Variants in PDE3B observed in about 807,000 individuals in gnomAD.
The protein encoded by PDE3B is phosphodiesterase 3B.
PDE3B carries 66 observed loss-of-function variants against 116.8 expected under a neutral mutation model. That is an observed-to-expected ratio of 0.56 (90% CI 0.46 to 0.69). PDE3B has a LOEUF of 0.69. Among genes scored for constraint, PDE3B ranks in the 30% least tolerant of loss-of-function variants. The pLI, the probability that PDE3B is intolerant of heterozygous loss-of-function variation, is 0.00. For synonymous variants in PDE3B, 595 were observed against 533.6 expected, an observed-to-expected ratio of 1.12 and a Z score of -1.59; for missense variants, 1,384 against 1,368.1, an observed-to-expected ratio of 1.01 and a Z score of -0.18.
chr11:14,824,964 G>A (rs556311034), intron 7 of PDE3B, among the ~76,000 whole-genome samples: 2 of 151,846 alleles, frequency 1.3e-5, no homozygotes, highest in African/African-American at 2.4e-5. Context: ...GAAGAGCCTG[G>A]GCTCCTATAT....
At chr11:14,757,073 A>C (rs1008363566) in intron 1 of PDE3B, among the ~76,000 whole-genome samples, 2 of 151,566 alleles carry the variant, frequency 1.3e-5, no homozygotes, top group Non-Finnish European at 2.9e-5. Context: ...TGCTCTTGCA[A>C]TAGTTTACTG....
At chr11:14,726,445 AGAG>A (rs764068014) in intron 1 of PDE3B, among the ~76,000 whole-genome samples, 2 of 152,194 alleles carry the variant, frequency 1.3e-5, no homozygotes, top group African/African-American at 2.4e-5. Context: ...TCTGGAGCTC[AGAG>A]GAGATTTCAG....
intron 1 of PDE3B, among the ~76,000 whole-genome samples, chr11:14,726,808 A>G (rs1856318338): frequency 6.6e-6 from 1 of 152,216 alleles, no homozygotes; most frequent in Non-Finnish European, 1.5e-5. Flanking sequence ...TGGTTGGGGT[A>G]GAAATCAGAC....
chr11:14,856,448 C>A (rs1847852299), intron 12 of PDE3B, among the ~76,000 whole-genome samples: 1 of 152,134 alleles, frequency 6.6e-6, no homozygotes, highest in Admixed American at 6.5e-5. Flanking sequence ...AAACTAGCTG[C>A]TTTGTGTTCT....
At chr11:14,678,175 C>G (rs1590055463) in intron 1 of PDE3B, among the ~76,000 whole-genome samples, 1 of 152,208 alleles carries the variant, frequency 6.6e-6, no homozygotes, top group East Asian at 1.9e-4. Context: ...ATTCACTTGT[C>G]TTAGCCTCCC....
intron 1 of PDE3B, among the ~76,000 whole-genome samples, chr11:14,735,833 G>A (rs1856580053): frequency 6.6e-6 from 1 of 152,134 alleles, no homozygotes; most frequent in African/African-American, 2.4e-5. Flanking sequence ...TATTAAAACT[G>A]ATCAAAATCC....
chr11:14,811,427 C>G (rs943163367), intron 5 of PDE3B, among the ~76,000 whole-genome samples: 2 of 152,144 alleles, frequency 1.3e-5, no homozygotes, highest in African/African-American at 4.8e-5. Flanking sequence ...ATAGGGAATC[C>G]TTTCCCCATT....
rs1275396941 is a variant in PDE3B, at chr11:14,871,642, T to A, written c.*1982T>A. On this transcript the variant is annotated 3_prime_UTR_variant, in exon 16 of 16. Transcript: ENST00000282096. ...ATTACGAATACTGGACTTATTGGATTTAATTATAAATCCAATTACTACTGG... is the reference window on the plus strand; with the variant it reads ...ATTACGAATACTGGACTTATTGGATATAATTATAAATCCAATTACTACTGG... 6.6e-6 allele frequency: 1 copy of A among 152,198 alleles called. No individual in the cohort carries two copies. Among genetic ancestry groups the A allele is most frequent in the Non-Finnish European group, 1.5e-5 (1 of 68,026 alleles). 9.4% of individuals were successfully genotyped at this position (152,198 alleles called of 1,614,324 possible). A position where few individuals can be genotyped will look rare whatever the true frequency, so the allele number is the denominator to read the frequency against.
intron 1 of PDE3B, among the ~76,000 whole-genome samples, chr11:14,714,154 A>T (rs144981166): frequency 2.6e-4 from 39 of 152,202 alleles, no homozygotes; most frequent in Admixed American, 1.6e-3. Context: ...CTAACCTGAG[A>T]TCATTTTTCA....
intron 1 of PDE3B, among the ~76,000 whole-genome samples, chr11:14,676,390 T>A (rs754398998): frequency 6.6e-6 from 1 of 152,202 alleles, no homozygotes; most frequent in East Asian, 1.9e-4. Flanking sequence ...AGCATGTTAC[T>A]GTACTGAATG....
At chr11:14,684,581 C>G (rs897099620) in intron 1 of PDE3B, among the ~76,000 whole-genome samples, 1 of 152,176 alleles carries the variant, frequency 6.6e-6, no homozygotes, top group Non-Finnish European at 1.5e-5. Flanking sequence ...GAGAACTGGT[C>G]TGACCTCAAA....
At chr11:14,877,667 A>T in the PDE3B span, 2 of 154,206 alleles carry the variant, frequency 1.3e-5, no homozygotes, top group African/African-American at 4.8e-5. Flanking sequence ...TAACTCATTT[A>T]TTTGTGTTTT....
At chr11:14,645,145 T>A in intron 1 of PDE3B, 92 bp downstream of exon 1, 1 of 610,324 alleles carries the variant, frequency 1.6e-6, no homozygotes, top group Non-Finnish European at 2.2e-6. Flanking sequence ...TCAAAGCATG[T>A]TAACTTTCAG....
intron 4 of PDE3B, among the ~76,000 whole-genome samples, chr11:14,789,806 G>A (rs1858328507): frequency 6.6e-6 from 1 of 151,980 alleles, no homozygotes; most frequent in Non-Finnish European, 1.5e-5. Flanking sequence ...AGTAAATGAG[G>A]CTGGGAAAAT....
At chr11:14,721,612 A>G (rs1238292176) in intron 1 of PDE3B, among the ~76,000 whole-genome samples, 4 of 150,050 alleles carry the variant, frequency 2.7e-5, no homozygotes, top group Non-Finnish European at 4.4e-5. Flanking sequence ...GGATGAGTTC[A>G]TGTCCTTTCT....
At chr11:14,893,953 T>G in the PDE3B span, among the ~76,000 whole-genome samples, 4 of 152,072 alleles carry the variant, frequency 2.6e-5, no homozygotes, top group Non-Finnish European at 5.9e-5. Flanking sequence ...ACAGAGGAAA[T>G]ATCAAGGGCA....
chr11:14,898,658 C>T, the PDE3B span, among the ~76,000 whole-genome samples: 133 of 151,806 alleles, frequency 8.8e-4, no homozygotes, highest in Admixed American at 2.2e-3. Flanking sequence ...GAGCTGGTGG[C>T]GAAAAAAACA....
chr11:14,729,255 A>C (rs372254247), intron 1 of PDE3B, among the ~76,000 whole-genome samples: 7 of 152,364 alleles, frequency 4.6e-5, no homozygotes, highest in African/African-American at 1.7e-4. Context: ...TAGGAATTCC[A>C]GATAAAATGA....
In PDE3B at chr11:14,869,552, GGAA is replaced by G; in HGVS notation, c.3238_3240del (p.Glu1080del). ...ACAAGATATGGAAGGAAATCGTAGA[GGAA>G]GAAGAAAAATGTAAAGCTGATGGGA... On this transcript the variant is annotated inframe_deletion, in exon 16 of 16. Coordinates refer to ENST00000282096, the MANE Select transcript of PDE3B (RefSeq NM_000922.4). 1 of 1,613,838 alleles carries G rather than the reference GGAA, an allele frequency of 6.2e-7. No individual in the cohort carries two copies. The highest frequency in any genetic ancestry group is 2.2e-5 in the East Asian group (1 of 44,872).
Sources: gnomAD v4.1 joint callset for allele counts (sites outside exome capture counted in the v4.1 genomes callset) on GRCh38, gnomAD v4.1.1 for gene constraint, MANE v1.5 for transcripts, NCBI Gene and HGNC (gene_info 2026-07-23, HGNC 2026-07-21) for gene names.